WASF3: variants seen among roughly 807,000 people sequenced by gnomAD.
WASF3 encodes the protein actin-binding protein WASF3.
A neutral mutation model predicts 46.6 loss-of-function variants in WASF3; 11 were observed. The ratio of observed to expected loss-of-function variants is 0.24; its 90% CI spans 0.15 to 0.39. WASF3 has a LOEUF of 0.39. Ranked by LOEUF, WASF3 falls within the 10% of genes least tolerant of loss-of-function variation. The pLI, the probability that WASF3 is intolerant of heterozygous loss-of-function variation, is 1.00. For missense variants in WASF3, 576 were observed against 669.8 expected, an observed-to-expected ratio of 0.86 and a Z score of 1.55; for synonymous variants, 242 against 259.7, an observed-to-expected ratio of 0.93 and a Z score of 0.65.
Position 26,679,542 on chromosome 13 carries a change from C to T in WASF3, c.717-1512C>T, listed in dbSNP as rs574384394. ...GCCACAGTATTTATAGTTTCCTACC[C>T]TCATCTCATCAGAAAGCTGTCCATG... On this transcript the variant is annotated intron_variant, in intron 7 of 9. Transcript: ENST00000335327. This position sits in a 1 kb window ranked among gnomAD's most constrained non-coding sequence, Gnocchi z 4.8. 7.9e-5 allele frequency among the ~76,000 whole-genome samples: 12 copies of T among 152,286 alleles called. No homozygotes were observed. Among genetic ancestry groups the T allele is most frequent in the African/African-American group, 2.6e-4 (11 of 41,550 alleles).
At chr13:26,611,720 C>A (rs1010921577) in intron 1 of WASF3, among the ~76,000 whole-genome samples, 1 of 152,104 alleles carries the variant, frequency 6.6e-6, no homozygotes, top group Non-Finnish European at 1.5e-5. Context: ...TTTTACTCAG[C>A]ATCAAGAGCA....
intron 7 of WASF3, among the ~76,000 whole-genome samples, chr13:26,676,958 T>G (rs924400634): frequency 6.6e-6 from 1 of 152,234 alleles, no homozygotes; most frequent in African/African-American, 2.4e-5. Flanking sequence ...TTAAAATGTA[T>G]TGTTGAGTTC....
chr13:26,580,211 C>G (rs975247812), intron 1 of WASF3, among the ~76,000 whole-genome samples: 1 of 151,936 alleles, frequency 6.6e-6, no homozygotes, highest in Non-Finnish European at 1.5e-5. Context: ...TTTTTGCTTT[C>G]CATTATCTTT....
At chr13:26,624,508 G>A (rs1881406623) in intron 2 of WASF3, among the ~76,000 whole-genome samples, 4 of 152,064 alleles carry the variant, frequency 2.6e-5, no homozygotes, top group Admixed American at 2.6e-4. Flanking sequence ...AACCCAGAAG[G>A]AAAAGAGAAG....
intron 1 of WASF3, chr13:26,606,522 AT>A (rs769595616): frequency 0.014 from 1,896 of 136,904 alleles, 10 homozygotes; most frequent in Middle Eastern, 0.031. Context: ...TGCCCAGCTA[AT>A]TTTTTTTTTT....
intron 3 of WASF3, among the ~76,000 whole-genome samples, chr13:26,661,670 G>A (rs942259138): frequency 1.3e-5 from 2 of 152,074 alleles, no homozygotes; most frequent in African/African-American, 2.4e-5. Context: ...TAATTTTGGG[G>A]GGAACCACCA....
chr13:26,541,194 A>G, the WASF3 span, among the ~76,000 whole-genome samples: 4 of 152,198 alleles, frequency 2.6e-5, no homozygotes, highest in Admixed American at 2.6e-4. Context: ...GCAGAGATCC[A>G]ACTGAGGGCA....
intron 5 of WASF3, among the ~76,000 whole-genome samples, chr13:26,670,334 C>T (rs1040880783): frequency 1.3e-5 from 2 of 151,724 alleles, no homozygotes; most frequent in Admixed American, 6.6e-5. Flanking sequence ...ACATCACATA[C>T]CGGGCCTGTT....
intron 1 of WASF3, among the ~76,000 whole-genome samples, chr13:26,570,115 A>G (rs1323891167): frequency 1.3e-5 from 2 of 152,218 alleles, no homozygotes; most frequent in East Asian, 1.9e-4. Flanking sequence ...GTGAAACCCC[A>G]TCTCTACTAA....
chr13:26,678,897 G>C (rs1883143811), intron 7 of WASF3, among the ~76,000 whole-genome samples: 1 of 152,196 alleles, frequency 6.6e-6, no homozygotes, highest in Non-Finnish European at 1.5e-5. Context: ...CTCACACTGA[G>C]TCTCTGCTGC....
At chr13:26,572,401 C>T (rs930749389) in intron 1 of WASF3, among the ~76,000 whole-genome samples, 1 of 152,038 alleles carries the variant, frequency 6.6e-6, no homozygotes, top group Admixed American at 6.6e-5. Context: ...AGAAAGTATG[C>T]GTCTACTCCT....
chr13:26,671,980 G>T lies in WASF3; in HGVS notation c.531G>T (p.Arg177Ser), dbSNP rs1882936970. The T allele has an allele frequency of 6.2e-7, 1 of 1,601,988 alleles. No individual in the cohort carries two copies. Among genetic ancestry groups the T allele is most frequent in the Non-Finnish European group, 8.5e-7 (1 of 1,173,788 alleles). Residue 177 changes from arginine to serine, a missense_variant, in exon 6 of 10, where the codon AGG (arginine) becomes AGT (serine). Arg to Ser is a moderately radical substitution (Grantham distance 110). Transcript: ENST00000335327. The stretch of plus-strand genomic sequence containing the variant: ...CAGAAGACAAAAGGAAAGAGAAAAG[G>T]CGTCAAAAGGTAAATAATTTCAGTA... Reference protein sequence around the residue: ...QDTEDKRKEKRRQKEQKRIDG... With the variant: ...QDTEDKRKEKSRQKEQKRIDG...
the WASF3 span, among the ~76,000 whole-genome samples, chr13:26,551,817 T>A: frequency 6.6e-6 from 1 of 152,180 alleles, no homozygotes; most frequent in Non-Finnish European, 1.5e-5. Context: ...TTTATTTGAC[T>A]TATCCTGTAG....
chr13:26,583,154 A>C (rs193068508), intron 1 of WASF3, among the ~76,000 whole-genome samples: 18 of 152,334 alleles, frequency 1.2e-4, no homozygotes, highest in Admixed American at 4.6e-4. Flanking sequence ...ACATGTTTGC[A>C]TAATGATTTA....
chr13:26,660,194 GTTTTTTTTTT>G (rs71080285), intron 3 of WASF3, among the ~76,000 whole-genome samples: 24 of 43,378 alleles, frequency 5.5e-4, no homozygotes, highest in Middle Eastern at 0.025. Flanking sequence ...TTTTTGTTTG[GTTTTTTTTTT>G]TTTTTTTTTT....
chr13:26,639,042 G>A (rs1881914239), intron 2 of WASF3, among the ~76,000 whole-genome samples: 3 of 152,140 alleles, frequency 2.0e-5, no homozygotes, highest in Admixed American at 2.0e-4. Context: ...CCAGGTGCAG[G>A]TGCCCAGAAT....
intron 1 of WASF3, among the ~76,000 whole-genome samples, chr13:26,591,047 C>T (rs920348574): frequency 4.0e-5 from 6 of 149,722 alleles, no homozygotes; most frequent in South Asian, 4.3e-4. Flanking sequence ...GTGGGTGGGG[C>T]GGAACATTCC....
At chr13:26,565,444 A>C (rs919248076) in intron 1 of WASF3, among the ~76,000 whole-genome samples, 1 of 152,200 alleles carries the variant, frequency 6.6e-6, no homozygotes, top group Non-Finnish European at 1.5e-5. Flanking sequence ...CAGAAATACT[A>C]TAATTTTCCA....
chr13:26,571,668 C>T (rs971011060), intron 1 of WASF3, among the ~76,000 whole-genome samples: 2 of 152,150 alleles, frequency 1.3e-5, no homozygotes, highest in African/African-American at 4.8e-5. Flanking sequence ...GGCATTTCTC[C>T]CTCTTAGCTC....
Sources: allele counts gnomAD v4.1 joint callset (sites outside exome capture counted in the v4.1 genomes callset), GRCh38; gene constraint gnomAD v4.1.1; non-coding constraint Gnocchi (gnomAD v3.1); transcripts MANE v1.5; gene names NCBI Gene and HGNC (gene_info 2026-07-23, HGNC 2026-07-21).